Variants in B4GALT5 observed in about 807,000 individuals in gnomAD.
The protein encoded by B4GALT5 is UDP-Gal:beta-GlcNAc beta-1,4-galactosyltransferase 5.
Under a neutral mutation model 45.0 loss-of-function variants are expected in B4GALT5, and 11 were observed. That is an observed-to-expected ratio of 0.24 (90% CI 0.15 to 0.40). The LOEUF (loss-of-function observed/expected upper bound fraction) is 0.40. B4GALT5 is among the 10% of genes least tolerant of loss of function. The pLI, the probability that B4GALT5 is intolerant of heterozygous loss-of-function variation, is 1.00. For missense variants in B4GALT5, 337 were observed against 500.2 expected, an observed-to-expected ratio of 0.67 and a Z score of 3.11; for synonymous variants, 185 against 182.9, an observed-to-expected ratio of 1.01 and a Z score of -0.09.
intron 2 of B4GALT5, among the ~76,000 whole-genome samples, chr20:49,653,240 G>A (rs2085629425): frequency 6.6e-6 from 1 of 152,018 alleles, no homozygotes. Flanking sequence ...TGTCGTGTTG[G>A]CACTCAAGGT....
At chr20:49,677,865 C>T (rs1303115142) in intron 1 of B4GALT5, among the ~76,000 whole-genome samples, 1 of 152,214 alleles carries the variant, frequency 6.6e-6, no homozygotes, top group Non-Finnish European at 1.5e-5. Flanking sequence ...CCTGCCTCAG[C>T]CTCCTGAGTA....
At chr20:49,692,819 C>T (rs6125718) in intron 1 of B4GALT5, among the ~76,000 whole-genome samples, 17,908 of 152,158 alleles carry the variant, frequency 0.12, 1,270 homozygotes, top group East Asian at 0.22. Flanking sequence ...AAATTACACA[C>T]ACCAAAAAAA....
chr20:49,647,102 C>A, intron 2 of B4GALT5, 24 bp from the exon 3 acceptor site: 1 of 1,477,112 alleles, frequency 6.8e-7, no homozygotes, highest in South Asian at 1.2e-5. Flanking sequence ...GGAAAAAAGT[C>A]GATCAGACTG....
chr20:49,682,125 A>G (rs1287051520), intron 1 of B4GALT5, among the ~76,000 whole-genome samples: 2 of 152,142 alleles, frequency 1.3e-5, no homozygotes, highest in African/African-American at 4.8e-5. Flanking sequence ...AAAACCCTCC[A>G]ATGAATTCTC....
intron 1 of B4GALT5, among the ~76,000 whole-genome samples, chr20:49,708,953 T>C (rs2085896432): frequency 6.9e-6 from 1 of 144,332 alleles, no homozygotes; most frequent in African/African-American, 2.6e-5. Context: ...AAAAAAGTCA[T>C]CAATGCATAA....
At chr20:49,637,261 G>A in intron 8 of B4GALT5, 80 bp downstream of exon 8, 1 of 1,266,890 alleles carries the variant, frequency 7.9e-7, no homozygotes, top group Non-Finnish European at 1.2e-6. Flanking sequence ...AGTAGGAGAA[G>A]GGGCTGTAAT....
intron 1 of B4GALT5, among the ~76,000 whole-genome samples, chr20:49,669,165 C>T (rs578102406): frequency 6.6e-6 from 1 of 152,056 alleles, no homozygotes; most frequent in Non-Finnish European, 1.5e-5. Flanking sequence ...CCAGCCAATA[C>T]TAAGCTTTAA....
intron 1 of B4GALT5, among the ~76,000 whole-genome samples, chr20:49,700,424 T>C (rs933592750): frequency 6.6e-6 from 1 of 152,166 alleles, no homozygotes; most frequent in Admixed American, 6.6e-5. Context: ...CGATCCCAAG[T>C]AGCTGGGGCT....
Position 49,668,175 on chromosome 20 carries a change from C to T in B4GALT5, c.116-11473G>A, listed in dbSNP as rs985401578. On this transcript the variant is annotated intron_variant, in intron 1 of 8. Transcript: ENST00000371711. ...TCCTTCTCATTTGAGGCAGAAAAATCACAAAGTCATTCGTAGGTTTCATTT... is the reference window on the plus strand; with the variant it reads ...TCCTTCTCATTTGAGGCAGAAAAATTACAAAGTCATTCGTAGGTTTCATTT... Among the ~76,000 whole-genome samples the T allele has an allele frequency of 2.0e-5, 3 of 152,136 alleles. No individual in the cohort carries two copies. The South Asian group carries it at 6.2e-4, about 32-fold the overall frequency.
At chr20:49,662,396 T>C (rs2085668704) in intron 1 of B4GALT5, among the ~76,000 whole-genome samples, 1 of 152,232 alleles carries the variant, frequency 6.6e-6, no homozygotes, top group Non-Finnish European at 1.5e-5. Flanking sequence ...AGGGCAAGGC[T>C]GTTGCCTACT....
chr20:49,701,655 A>G (rs1300550433), intron 1 of B4GALT5, among the ~76,000 whole-genome samples: 1 of 152,200 alleles, frequency 6.6e-6, no homozygotes, highest in African/African-American at 2.4e-5. Context: ...TTAGAAGGCA[A>G]AAACAAACAA....
chr20:49,662,336 C>T (rs1254120087), intron 1 of B4GALT5, among the ~76,000 whole-genome samples: 1 of 152,080 alleles, frequency 6.6e-6, no homozygotes, highest in Non-Finnish European at 1.5e-5. Flanking sequence ...ACTTAACATA[C>T]AACATATTTT....
intron 1 of B4GALT5, among the ~76,000 whole-genome samples, chr20:49,686,902 C>T (rs529411190): frequency 1.3e-5 from 2 of 150,258 alleles, no homozygotes; most frequent in South Asian, 4.2e-4. Context: ...CCATCTTTAC[C>T]AAAGAAAAAA....
At chr20:49,675,192 C>CA (rs995954014) in intron 1 of B4GALT5, among the ~76,000 whole-genome samples, 3 of 151,846 alleles carry the variant, frequency 2.0e-5, no homozygotes, top group Non-Finnish European at 4.4e-5. Flanking sequence ...TTGCAAGGAC[C>CA]AAAAAAATCA....
intron 1 of B4GALT5, among the ~76,000 whole-genome samples, chr20:49,671,400 T>A (rs1279895747): frequency 6.6e-6 from 1 of 152,184 alleles, no homozygotes; most frequent in Non-Finnish European, 1.5e-5. Context: ...TCTGAGATTA[T>A]GTCTGCATTT....
intron 1 of B4GALT5, among the ~76,000 whole-genome samples, chr20:49,702,962 A>G (rs1480721607): frequency 6.6e-6 from 1 of 151,982 alleles, no homozygotes; most frequent in Non-Finnish European, 1.5e-5. Flanking sequence ...TCATGAGGTC[A>G]GGAGATCAAG....
chr20:49,672,603 TA>T (rs2146344908), intron 1 of B4GALT5, among the ~76,000 whole-genome samples: 1 of 152,274 alleles, frequency 6.6e-6, no homozygotes, highest in African/African-American at 2.4e-5. Context: ...TTTCTTTAGC[TA>T]AGTAATGTTC....
intron 8 of B4GALT5, 88 bp downstream of exon 8, chr20:49,637,253 T>C (rs1373894136): frequency 3.4e-6 from 4 of 1,162,918 alleles, no homozygotes; most frequent in Admixed American, 3.4e-5. Flanking sequence ...GGGTGGGGAG[T>C]AGGAGAAGGG....
intron 1 of B4GALT5, among the ~76,000 whole-genome samples, chr20:49,679,286 A>T (rs1174279601): frequency 6.6e-6 from 1 of 152,236 alleles, no homozygotes; most frequent in Admixed American, 6.5e-5. Context: ...TTGTTTCGCA[A>T]TCACCAGTCC....
Sources: allele counts gnomAD v4.1 joint callset (sites outside exome capture counted in the v4.1 genomes callset), GRCh38; gene constraint gnomAD v4.1.1; transcripts MANE v1.5; gene names NCBI Gene and HGNC (gene_info 2026-07-23, HGNC 2026-07-21).